The following BRF1 variants were observed in gnomAD, a reference collection of about 807,000 sequenced individuals.
The protein encoded by BRF1 is BRF1 general transcription factor IIIB subunit, also known as transcription factor IIIB 90 kDa subunit.
In BRF1, 59 loss-of-function variants were observed where a neutral mutation model predicts 81.7. That is an observed-to-expected ratio of 0.72 (90% CI 0.59 to 0.90). BRF1 has a LOEUF of 0.90. Ranked by LOEUF, BRF1 falls within the 40% of genes least tolerant of loss-of-function variation. The probability of loss-of-function intolerance (pLI) is 0.00; values close to 1 mark genes in which losing one functional copy is unlikely to be tolerated. For synonymous variants in BRF1, 491 were observed against 395.6 expected, an observed-to-expected ratio of 1.24 and a Z score of -2.86; for missense variants, 1,050 against 936.3, an observed-to-expected ratio of 1.12 and a Z score of -1.58.
chr14:105,310,417 C>A (rs1308686940), intron 1 of BRF1, among the ~76,000 whole-genome samples: 1 of 151,200 alleles, frequency 6.6e-6, no homozygotes, highest in Non-Finnish European at 1.5e-5. Context: ...GTAGTCCCCC[C>A]TACTCAGGAG....
chr14:105,290,344 G>A (rs2057468106), intron 1 of BRF1, among the ~76,000 whole-genome samples: 1 of 152,148 alleles, frequency 6.6e-6, no homozygotes, highest in Non-Finnish European at 1.5e-5. Context: ...ACTTGAACCT[G>A]GGAGGCAGAG....
chr14:105,243,705 T>C (rs2054880827), intron 5 of BRF1, among the ~76,000 whole-genome samples: 1 of 152,024 alleles, frequency 6.6e-6, no homozygotes, highest in African/African-American at 2.4e-5. Flanking sequence ...CACTGGTAAA[T>C]ATATCAACGG....
At position 105,221,793 on chromosome 14, in the gene BRF1, G is replaced by A. The variant is rs139386341; in HGVS notation, c.1170C>T (p.Pro390=). The A allele has an allele frequency of 3.9e-4, 628 of 1,611,236 alleles. No individual in the cohort carries two copies. Among genetic ancestry groups the A allele is most frequent in the African/African-American group, 6.3e-4 (47 of 74,980 alleles). ...GGCTTCCTGCTGCTTCCGAGCTGCC[G>A]GGGGCACCACCAAGGAGCTCCCGGT... The part of the protein sequence containing the change: ...DLYRELLGGA[P]GSSEAAGSPE... The change falls in exon 11 of 18, where the codon CCC becomes CCT. Residue 390 remains proline, a synonymous_variant. Transcript: ENST00000547530.
intron 5 of BRF1, chr14:105,249,833 T>G: frequency 6.2e-7 from 1 of 1,613,470 alleles, no homozygotes. Context: ...GACGCAGCGC[T>G]GCTGGGAGGT....
At chr14:105,304,387 C>G (rs1012133878), upstream of BRF1, among the ~76,000 whole-genome samples, 1 of 152,096 alleles carries the variant, frequency 6.6e-6, no homozygotes, top group African/African-American at 2.4e-5. Flanking sequence ...ACTCGGGAGG[C>G]TGAGGCAGGA....
chr14:105,219,119 C>T, intron 13 of BRF1, 32 bp downstream of exon 13: 4 of 1,613,678 alleles, frequency 2.5e-6, no homozygotes, highest in South Asian at 2.2e-5. Flanking sequence ...GACTGTGCGT[C>T]CTGCGTGTGA....
intron 2 of BRF1, among the ~76,000 whole-genome samples, chr14:105,275,547 G>C (rs1313514983): frequency 1.3e-5 from 2 of 152,252 alleles, no homozygotes; most frequent in African/African-American, 4.8e-5. Flanking sequence ...CAGCTGACAG[G>C]GGACCCGCTG....
chr14:105,279,149 C>T lies in BRF1; in HGVS notation c.266-6255G>A, dbSNP rs142742482. Among the ~76,000 whole-genome samples, 502 of 152,114 alleles carry T rather than the reference C, an allele frequency of 3.3e-3. 3 individuals are homozygous for T. Among genetic ancestry groups the T allele is most frequent in the East Asian group, 0.014 (74 of 5,170 alleles). On this transcript the variant is annotated intron_variant, in intron 2 of 17. Transcript: ENST00000547530. The stretch of plus-strand genomic sequence containing the variant: ...GCTTTAGTCTGGGAGGTTGAGGCTG[C>T]AAGGAGCATCGACTGCACCACTGCA...
intron 15 of BRF1, 198 bp downstream of exon 15, chr14:105,217,346 C>A: frequency 1.2e-6 from 1 of 831,646 alleles, no homozygotes; most frequent in Non-Finnish European, 1.8e-6. Flanking sequence ...CCGCTCACAG[C>A]CTGCCAGGCC....
At chr14:105,257,289 G>A (rs1401163608) in intron 3 of BRF1, among the ~76,000 whole-genome samples, 2 of 152,172 alleles carry the variant, frequency 1.3e-5, no homozygotes, top group African/African-American at 4.8e-5. Flanking sequence ...AGTCACTAAG[G>A]ACACCTCCTG....
rs776287971 is a variant in BRF1 at position 105,221,896 on chromosome 14, G to A, written c.1067C>T (p.Ala356Val). 5.1e-5 allele frequency: 82 copies of A among 1,597,398 alleles called. 1 individual carries two copies. In the South Asian group the frequency reaches 6.8e-4, roughly 13 times the overall value. The change falls in exon 11 of 18, where the codon GCG becomes GTG. Residue 356 changes from alanine to valine, a missense_variant. Transcript: ENST00000547530. ...GTCCTCCTCGCCACACAAGCTGGAC[G>A]CGGTGTCCTCGGTGGAGCCTAGGTG... Reference protein sequence around the residue: ...LAKDGSTEDTASSLCGEEDTE... With the variant: ...LAKDGSTEDTVSSLCGEEDTE...
chr14:105,297,743 A>T (rs2057800843), intron 1 of BRF1, among the ~76,000 whole-genome samples: 1 of 151,112 alleles, frequency 6.6e-6, no homozygotes, highest in East Asian at 2.0e-4. Context: ...ACGCTGGTAA[A>T]CCCAGCACTT....
chr14:105,275,585 T>G (rs1025170136), intron 2 of BRF1, among the ~76,000 whole-genome samples: 5 of 152,168 alleles, frequency 3.3e-5, no homozygotes, highest in African/African-American at 4.8e-5. Context: ...CTACCAGCTC[T>G]CTGCTGTATG....
At chr14:105,267,253 C>T (rs1419926375) in intron 3 of BRF1, among the ~76,000 whole-genome samples, 1 of 152,206 alleles carries the variant, frequency 6.6e-6, no homozygotes, top group African/African-American at 2.4e-5. Flanking sequence ...CACATGGGCC[C>T]ACGCTGGGTG....
Position 105,226,527 on chromosome 14 carries a change from A to G in BRF1, c.915+107T>C, listed in dbSNP as rs143654554. 1.0e-3 allele frequency: 1,607 copies of G among 1,565,102 alleles called. 18 individuals are homozygous for G. In the African/African-American group the frequency reaches 0.019, roughly 19 times the overall value. On this transcript the variant is annotated intron_variant, in intron 8 of 17. Coordinates refer to ENST00000547530, the MANE Select transcript of BRF1 (RefSeq NM_001519.4). Reference sequence around the variant, plus strand: ...CTGGTCATAGCACTGAAGAGCGGCTATGAGGCTTTGGGATGGCACCAGCTC... The same window carrying G: ...CTGGTCATAGCACTGAAGAGCGGCTGTGAGGCTTTGGGATGGCACCAGCTC...
At position 105,217,781 on chromosome 14, in the gene BRF1, C is replaced by T. The variant is rs749231735; in HGVS notation, c.1535G>A (p.Arg512Gln). ...KEHKPKKSCK[R>Q]REPIQASTAR... is the part of the protein sequence containing the mutation. ...GGTACTGGCCTGAATTGGCTCCCGT[C>T]GCTTGCAAGACTTCTTGGGCTTGAG... The change falls in exon 15 of 18, where the codon CGA becomes CAA. Residue 512 changes from arginine to glutamine, a missense_variant. Around this residue, in one of 2 missense-constraint regions of BRF1, gnomAD observed 1,043 missense variants for 915.4 expected, o/e 1.14. Transcript: ENST00000547530. 11 of 1,612,586 alleles carry T rather than the reference C, an allele frequency of 6.8e-6. No homozygotes were observed. The highest frequency in any genetic ancestry group is 5.0e-5 in the Admixed American group (3 of 60,026).
At chr14:105,275,831 C>G (rs1464888973) in intron 2 of BRF1, among the ~76,000 whole-genome samples, 1 of 152,290 alleles carries the variant, frequency 6.6e-6, no homozygotes, top group Non-Finnish European at 1.5e-5. Flanking sequence ...AGGCAGAGCA[C>G]TAATGATGAG....
chr14:105,296,080 C>CAAAA (rs58030113), intron 1 of BRF1, among the ~76,000 whole-genome samples: 4 of 56,882 alleles, frequency 7.0e-5, no homozygotes, highest in Non-Finnish European at 1.0e-4. Context: ...CACTCTATCT[C>CAAAA]AAAAAAAAAA....
intron 4 of BRF1, among the ~76,000 whole-genome samples, chr14:105,253,040 C>A (rs768994547): frequency 4.6e-5 from 7 of 152,254 alleles, no homozygotes; most frequent in Admixed American, 2.0e-4. Flanking sequence ...CCCTGCCCCC[C>A]ACACTGTTCC....
Sources: gnomAD v4.1 joint callset for allele counts (sites outside exome capture counted in the v4.1 genomes callset) on GRCh38, gnomAD v4.1.1 for gene constraint, gnomAD v4.1.1 regional missense constraint, MANE v1.5 for transcripts, NCBI Gene and HGNC (gene_info 2026-07-23, HGNC 2026-07-21) for gene names.